CRACD: variants seen among roughly 807,000 people sequenced by gnomAD.
CRACD encodes the protein capping protein-inhibiting regulator of actin dynamics.
In CRACD, 56 loss-of-function variants were observed where a neutral mutation model predicts 106.8. The observed-to-expected ratio is 0.52, with a 90% confidence interval of 0.42 to 0.66. The LOEUF (loss-of-function observed/expected upper bound fraction) is 0.66. CRACD is among the 30% of genes least tolerant of loss of function. The probability of loss-of-function intolerance (pLI) is 0.00; values close to 1 mark genes in which losing one functional copy is unlikely to be tolerated. For synonymous variants in CRACD, 754 were observed against 670.8 expected (o/e 1.12, Z -1.92); for missense variants, 1,730 against 1,623.2 (o/e 1.07, Z -1.13).
chr4:56,178,866 A>T (rs1212428302), intron 1 of CRACD, among the ~76,000 whole-genome samples: 1 of 152,198 alleles, frequency 6.6e-6, no homozygotes, highest in African/African-American at 2.4e-5. Context: ...TAATTCTGTG[A>T]TTTGTATTAG....
intron 2 of CRACD, among the ~76,000 whole-genome samples, chr4:56,224,484 A>G (rs546980994): frequency 6.6e-6 from 1 of 152,326 alleles, no homozygotes; most frequent in African/African-American, 2.4e-5. Context: ...GTTTTTCATC[A>G]TATCATCTGT....
intron 1 of CRACD, among the ~76,000 whole-genome samples, chr4:56,123,066 A>G (rs1418330108): frequency 1.3e-5 from 2 of 152,240 alleles, no homozygotes; most frequent in African/African-American, 4.8e-5. Context: ...TCGAAGTAAG[A>G]TAGTCTTTTT....
chr4:56,127,707 G>A (rs1734703952), intron 1 of CRACD, among the ~76,000 whole-genome samples: 1 of 152,196 alleles, frequency 6.6e-6, no homozygotes, highest in Non-Finnish European at 1.5e-5. Flanking sequence ...GTCTGGGTGT[G>A]CATGGCTGGT....
At chr4:56,312,223 C>T (rs968028189) in intron 6 of CRACD, among the ~76,000 whole-genome samples, 2 of 152,122 alleles carry the variant, frequency 1.3e-5, no homozygotes, top group East Asian at 1.9e-4. Flanking sequence ...TGCAGCCTAG[C>T]GATCTCAGCT....
At chr4:56,260,450 CAT>C (rs904440171) in intron 2 of CRACD, among the ~76,000 whole-genome samples, 1 of 152,180 alleles carries the variant, frequency 6.6e-6, no homozygotes, top group East Asian at 1.9e-4. Flanking sequence ...CGTTTAAGGA[CAT>C]GTGTATAGAT....
chr4:56,206,994 T>C (rs73240526), intron 2 of CRACD, among the ~76,000 whole-genome samples: 1 of 152,358 alleles, frequency 6.6e-6, no homozygotes, highest in Non-Finnish European at 1.5e-5. Context: ...ACTACTATTA[T>C]GACTGTCTGG....
At position 56,327,682 on chromosome 4, in the gene CRACD, AAAG is replaced by A. The variant is rs759703187; in HGVS notation, c.3584_3586del (p.Glu1195del). 2 of 1,613,982 alleles carry A rather than the reference AAAG, an allele frequency of 1.2e-6. No homozygotes were observed. The highest frequency in any genetic ancestry group is 1.7e-6 in the Non-Finnish European group (2 of 1,180,008). ...CTCGGCTCCCCCAGCGCCGCTGGTA[AAAG>A]AAGTCACCAAGAGGTTTTCCACCCC... On this transcript the variant is annotated inframe_deletion, in exon 11 of 11. Transcript: ENST00000682029.
intron 7 of CRACD, 114 bp from the exon 8 acceptor site, chr4:56,313,926 T>G: frequency 7.2e-7 from 1 of 1,389,246 alleles, no homozygotes; most frequent in East Asian, 2.3e-5. Context: ...TGAGAATACC[T>G]GCTTCCAGGT....
intron 3 of CRACD, among the ~76,000 whole-genome samples, chr4:56,294,128 A>G (rs756625954): frequency 4.6e-5 from 7 of 151,980 alleles, no homozygotes; most frequent in African/African-American, 7.2e-5. Flanking sequence ...TGGGAGACTG[A>G]GGCAGGAGGA....
Position 56,315,116 on chromosome 4 carries a change from G to A in CRACD, c.1614G>A (p.Thr538=), listed in dbSNP as rs781403695. The A allele has an allele frequency of 2.5e-6, 4 of 1,610,610 alleles. No individual in the cohort carries two copies. In the African/African-American group the frequency reaches 4.0e-5, roughly 16 times the overall value. ...DERQTMPRPY[T]FQVSSGGKQI... The stretch of plus-strand genomic sequence containing the variant: ...GACAGACCATGCCCCGGCCCTACAC[G>A]TTCCAGGTGTCCTCCGGAGGGAAGC... Residue 538 remains threonine, a synonymous_variant, in exon 8 of 11, where the codon ACG becomes ACA. Coordinates refer to ENST00000682029, the MANE Select transcript of CRACD (RefSeq NM_001393381.1). This position sits in a 1 kb window ranked among gnomAD's most constrained non-coding sequence, Gnocchi z 4.1.
At chr4:56,206,361 G>A (rs1401848120) in intron 2 of CRACD, among the ~76,000 whole-genome samples, 1 of 152,196 alleles carries the variant, frequency 6.6e-6, no homozygotes, top group African/African-American at 2.4e-5. Flanking sequence ...GAAGCAGGAT[G>A]AAGCAAGGGA....
chr4:56,091,167 C>T (rs1733412748), intron 1 of CRACD, among the ~76,000 whole-genome samples: 1 of 152,028 alleles, frequency 6.6e-6, no homozygotes, highest in Admixed American at 6.6e-5. Flanking sequence ...ATCTTTGTGC[C>T]TCAGCCTCCT....
chr4:56,196,852 T>A (rs1737636149), intron 2 of CRACD, among the ~76,000 whole-genome samples: 1 of 152,152 alleles, frequency 6.6e-6, no homozygotes, highest in Non-Finnish European at 1.5e-5. Context: ...CAAAATACTT[T>A]AAAATAGAGG....
chr4:56,297,957 G>A, intron 3 of CRACD: 1 of 293,990 alleles, frequency 3.4e-6, no homozygotes, highest in Non-Finnish European at 6.4e-6. Flanking sequence ...CTTCTGTCTT[G>A]GATCCTATAC....
intron 2 of CRACD, among the ~76,000 whole-genome samples, chr4:56,200,009 A>G (rs1037355460): frequency 1.3e-5 from 2 of 150,682 alleles, no homozygotes; most frequent in African/African-American, 4.8e-5. Flanking sequence ...CAAAAAGTAG[A>G]AACTTCAAAT....
rs190177781 is a variant in CRACD, at chr4:56,079,028, C to G, written c.-336+29729C>G. On this transcript the variant is annotated intron_variant, in intron 1 of 10. Transcript: ENST00000682029. ...CAGAGGGCACTGCAGGTCCAGAGAA[C>G]GGAGCAAGAAGTGCTGAGCAAGGGA... is the stretch of plus-strand genomic sequence containing the variant. Among the ~76,000 whole-genome samples the G allele has an allele frequency of 3.3e-4, 50 of 152,254 alleles. 1 individual carries two copies. In the East Asian group the frequency reaches 9.7e-3, roughly 29 times the overall value.
At chr4:56,254,400 T>G (rs76030083) in intron 2 of CRACD, among the ~76,000 whole-genome samples, 8 of 2,832 alleles carry the variant, frequency 2.8e-3, no homozygotes, top group Non-Finnish European at 5.6e-3. Flanking sequence ...TTGTGGGGGT[T>G]TTTTTTTTTT....
rs533759124 is a variant in CRACD at position 56,287,328 on chromosome 4, G to A, written c.-16-10886G>A. On this transcript the variant is annotated intron_variant, in intron 3 of 10. Transcript: ENST00000682029. ...TTGATACAGAGTCTCTGTCACCCAG[G>A]CTGGAGTGCAGTGGCATGATTTTGG... Among the ~76,000 whole-genome samples, 145 of 151,840 alleles carry A rather than the reference G, an allele frequency of 9.5e-4. 1 individual carries two copies. The highest frequency in any genetic ancestry group is 3.1e-3 in the African/African-American group (128 of 41,254).
Position 56,315,689 on chromosome 4 carries a change from C to A in CRACD, c.2187C>A (p.Ser729=), listed in dbSNP as rs267600196. 2.5e-6 allele frequency: 4 copies of A among 1,614,082 alleles called. No homozygotes were observed. Among genetic ancestry groups the A allele is most frequent in the African/African-American group, 2.7e-5 (2 of 74,916 alleles). Residue 729 remains serine, a synonymous_variant, in exon 8 of 11, where the codon TCC becomes TCA. Transcript: ENST00000682029. The surrounding 1 kb of genome is among the most constrained non-coding windows in gnomAD (Gnocchi z 4.1). ...TTATGCCTGCCTGGCAGAAATTTTC[C>A]GATGGTGGCACGGAGACCTCCAAAC... The part of the protein sequence containing the change: ...FSIMPAWQKF[S]DGGTETSKQS...
Sources: allele counts gnomAD v4.1 joint callset (sites outside exome capture counted in the v4.1 genomes callset), GRCh38; gene constraint gnomAD v4.1.1; non-coding constraint Gnocchi (gnomAD v3.1); transcripts MANE v1.5; gene names NCBI Gene and HGNC (gene_info 2026-07-23, HGNC 2026-07-21).